Variants in SHOC2 observed in about 807,000 individuals in gnomAD.
The protein encoded by SHOC2 is leucine-rich repeat protein SHOC-2.
A neutral mutation model predicts 50.2 loss-of-function variants in SHOC2; 4 were observed. That is an observed-to-expected ratio of 0.08 (90% CI 0.04 to 0.18). SHOC2 has a LOEUF of 0.18. SHOC2 is among the 10% of genes least tolerant of loss of function. The pLI is 1.00. For missense variants in SHOC2, 388 were observed against 669.6 expected (o/e 0.58, Z 4.64); for synonymous variants, 218 against 244.5 (o/e 0.89, Z 1.01).
intron 1 of SHOC2, chr10:110,937,105 A>C: frequency 6.8e-7 from 1 of 1,470,374 alleles, no homozygotes; most frequent in Non-Finnish European, 9.5e-7. Flanking sequence ...AATTGCCAGA[A>C]ATGTTGATGC....
At chr10:110,975,879 C>T (rs191055835) in intron 2 of SHOC2, among the ~76,000 whole-genome samples, 1 of 151,796 alleles carries the variant, frequency 6.6e-6, no homozygotes, top group Admixed American at 6.6e-5. Flanking sequence ...CTTTTGCTCA[C>T]TAATTTTAGC....
chr10:110,945,440 G>T (rs182104944), intron 1 of SHOC2, among the ~76,000 whole-genome samples: 1 of 152,158 alleles, frequency 6.6e-6, no homozygotes, highest in Non-Finnish European at 1.5e-5. Flanking sequence ...AGTTAAAATA[G>T]AAAGCTCATC....
intron 4 of SHOC2, among the ~76,000 whole-genome samples, chr10:111,003,490 G>T (rs1395862882): frequency 6.6e-6 from 1 of 152,014 alleles, no homozygotes; most frequent in Non-Finnish European, 1.5e-5. Flanking sequence ...CTTCCTACTA[G>T]GTATTGTTAA....
chr10:110,921,751 T>C (rs1846656729), intron 1 of SHOC2, among the ~76,000 whole-genome samples: 1 of 152,206 alleles, frequency 6.6e-6, no homozygotes, highest in Admixed American at 6.5e-5. Context: ...CCTGTTGTGC[T>C]ATGAAATACT....
At position 110,937,123 on chromosome 10, in the gene SHOC2, G is replaced by A. The variant is rs558682311; in HGVS notation, c.-235+17466G>A. ...TGCCAGAAATGTTGATGCCTTTGCA[G>A]CGTACGACCACCACCTTCCGGCCCA... is the stretch of plus-strand genomic sequence containing the variant. On this transcript the variant is annotated intron_variant, in intron 1 of 8. Coordinates refer to ENST00000369452, the MANE Select transcript of SHOC2 (RefSeq NM_007373.4). 217 of 1,473,308 alleles carry A rather than the reference G, an allele frequency of 1.5e-4. 1 individual carries two copies. The African/African-American group carries it at 2.5e-3, about 17-fold the overall frequency. 91.3% of individuals were successfully genotyped at this position (1,473,308 alleles called of 1,614,324 possible).
At chr10:111,000,244 C>G (rs1848344955) in intron 3 of SHOC2, among the ~76,000 whole-genome samples, 171 bp from the exon 4 acceptor site, 1 of 152,074 alleles carries the variant, frequency 6.6e-6, no homozygotes, top group South Asian at 2.1e-4. Context: ...AAAGTGATTT[C>G]AATTTCATCC....
At chr10:111,000,868 A>T (rs922346963) in intron 4 of SHOC2, among the ~76,000 whole-genome samples, 1 of 152,184 alleles carries the variant, frequency 6.6e-6, no homozygotes, top group African/African-American at 2.4e-5. Context: ...AAAGGTATTA[A>T]GGAAAAACTA....
intron 1 of SHOC2, among the ~76,000 whole-genome samples, chr10:110,928,984 T>C (rs1369711001): frequency 1.3e-5 from 2 of 152,198 alleles, no homozygotes; most frequent in East Asian, 1.9e-4. Flanking sequence ...TTTTTCTCAA[T>C]TGGAACTCAA....
intron 1 of SHOC2, among the ~76,000 whole-genome samples, chr10:110,930,809 A>G (rs955081852): frequency 1.7e-5 from 2 of 120,278 alleles, no homozygotes; most frequent in African/African-American, 3.0e-5. Context: ...TTACCATTTG[A>G]CGTTTACCAT....
At chr10:111,001,931 C>T (rs774881630) in intron 4 of SHOC2, among the ~76,000 whole-genome samples, 1 of 151,928 alleles carries the variant, frequency 6.6e-6, no homozygotes, top group Non-Finnish European at 1.5e-5. Flanking sequence ...CCCAGCTACT[C>T]AGAAGGCTGA....
At chr10:111,010,474 T>G (rs980459224) in intron 8 of SHOC2, among the ~76,000 whole-genome samples, 9 of 152,106 alleles carry the variant, frequency 5.9e-5, no homozygotes, top group Admixed American at 5.9e-4. Flanking sequence ...TAGGTGGGAA[T>G]TGAACAATGA....
chr10:111,006,146 CAG>C (rs1564729920), intron 5 of SHOC2, among the ~76,000 whole-genome samples: 2 of 152,130 alleles, frequency 1.3e-5, no homozygotes, highest in African/African-American at 4.8e-5. Context: ...ATGTAAGTAA[CAG>C]TAGTAAATTT....
chr10:110,956,691 A>C (rs549714367), intron 1 of SHOC2, among the ~76,000 whole-genome samples: 11 of 152,292 alleles, frequency 7.2e-5, no homozygotes, highest in Non-Finnish European at 1.5e-4. Flanking sequence ...TTTAAATCTT[A>C]CATTTATCTT....
chr10:110,936,437 C>T lies in SHOC2; in HGVS notation c.-235+16780C>T, dbSNP rs182948431. ...GATGTTTAAACATTGATTCCCTCCT[C>T]CTTCACATGTTAAGATAGTAATGTT... On this transcript the variant is annotated intron_variant, in intron 1 of 8. Transcript: ENST00000369452. Among the ~76,000 whole-genome samples the T allele has an allele frequency of 2.7e-4, 41 of 152,056 alleles. 1 individual carries two copies. Among genetic ancestry groups the T allele is most frequent in the African/African-American group, 9.9e-4 (41 of 41,484 alleles).
intron 3 of SHOC2, among the ~76,000 whole-genome samples, chr10:110,990,522 A>T (rs1344786503): frequency 2.4e-5 from 2 of 84,046 alleles, no homozygotes; most frequent in Admixed American, 2.3e-4. Context: ...AACTAATCTG[A>T]TGGGGACGTG....
At chr10:110,992,956 G>A (rs769592717) in intron 3 of SHOC2, among the ~76,000 whole-genome samples, 2 of 151,864 alleles carry the variant, frequency 1.3e-5, no homozygotes, top group Admixed American at 6.6e-5. Flanking sequence ...AGTCTTACTC[G>A]AAAGTTATAC....
chr10:110,957,539 C>A (rs541306318), intron 1 of SHOC2, among the ~76,000 whole-genome samples: 4 of 150,680 alleles, frequency 2.7e-5, no homozygotes, highest in African/African-American at 4.9e-5. Context: ...GATACCCCCC[C>A]CCCAGCCCAC....
intron 4 of SHOC2, among the ~76,000 whole-genome samples, chr10:111,003,424 C>G (rs1848415059): frequency 6.6e-6 from 1 of 152,126 alleles, no homozygotes; most frequent in Non-Finnish European, 1.5e-5. Flanking sequence ...TCCAGTTATT[C>G]CAGTTTTCCT....
At chr10:110,956,470 C>T (rs1847465901) in intron 1 of SHOC2, among the ~76,000 whole-genome samples, 1 of 152,208 alleles carries the variant, frequency 6.6e-6, no homozygotes, top group Non-Finnish European at 1.5e-5. Context: ...CTTAAGACCA[C>T]TCTGCTTCTT....
Sources: allele counts gnomAD v4.1 joint callset (sites outside exome capture counted in the v4.1 genomes callset), GRCh38; gene constraint gnomAD v4.1.1; transcripts MANE v1.5; gene names NCBI Gene and HGNC (gene_info 2026-07-23, HGNC 2026-07-21).